ATP2C2: variants seen among roughly 807,000 people sequenced by gnomAD.
ATP2C2 encodes the protein ATPase secretory pathway Ca2+ transporting 2.
In ATP2C2, 171 loss-of-function variants were observed where a neutral mutation model predicts 110.8. That is an observed-to-expected ratio of 1.54 (90% CI 1.36 to 1.75). The LOEUF is 1.75. Ranked by LOEUF, ATP2C2 falls within the 40% of genes most tolerant of loss-of-function variation. The pLI, the probability that ATP2C2 is intolerant of heterozygous loss-of-function variation, is 0.00. For missense variants in ATP2C2, 1,963 were observed against 1,235.0 expected (o/e 1.59, Z -8.84); for synonymous variants, 804 against 508.4 (o/e 1.58, Z -7.82).
chr16:84,371,816 A>G (rs894280812), intron 1 of ATP2C2, among the ~76,000 whole-genome samples: 12 of 152,170 alleles, frequency 7.9e-5, no homozygotes, highest in Non-Finnish European at 1.8e-4. Flanking sequence ...CATTCAACCT[A>G]GATTCACGGA....
chr16:84,373,501 AAAC>A (rs35671314), intron 1 of ATP2C2, among the ~76,000 whole-genome samples: 15 of 151,630 alleles, frequency 9.9e-5, no homozygotes, highest in Admixed American at 6.6e-5. Flanking sequence ...CTCCATCTCA[AAAC>A]AACAACAACA....
At position 84,454,729 on chromosome 16, in the gene ATP2C2, G is replaced by A. The variant is rs971592755; in HGVS notation, c.1981-89G>A. ...AATTCCGGGTGCCCTCCAGACAGAG[G>A]TGTCTGTGGCTGGCCACAGGGTGTG... On this transcript the variant is annotated intron_variant, in intron 20 of 26. Coordinates refer to ENST00000262429, the MANE Select transcript of ATP2C2 (RefSeq NM_014861.4). 8 of 1,347,248 alleles carry A rather than the reference G, an allele frequency of 5.9e-6. No homozygotes were observed. The African/African-American group carries it at 1.0e-4, about 18-fold the overall frequency. The allele number at this position is 1,347,248 out of a possible 1,614,324, so 83.5% of individuals were successfully genotyped here. A position where few individuals can be genotyped will look rare whatever the true frequency, so the allele number is the denominator to read the frequency against.
intron 11 of ATP2C2, among the ~76,000 whole-genome samples, chr16:84,430,761 C>T (rs916172503): frequency 6.6e-6 from 1 of 152,060 alleles, no homozygotes; most frequent in Non-Finnish European, 1.5e-5. Flanking sequence ...CACCCTTACA[C>T]AGCCCATGGG....
At chr16:84,394,249 C>G (rs1209603074) in intron 1 of ATP2C2, among the ~76,000 whole-genome samples, 3 of 152,078 alleles carry the variant, frequency 2.0e-5, no homozygotes, top group Admixed American at 6.5e-5. Context: ...AACCATCTCA[C>G]AGTAAACATT....
chr16:84,413,232 C>T (rs1906542292), intron 6 of ATP2C2, among the ~76,000 whole-genome samples: 1 of 152,040 alleles, frequency 6.6e-6, no homozygotes, highest in Admixed American at 6.6e-5. Flanking sequence ...GGATAATTTT[C>T]AGGGAGAGCT....
At chr16:84,432,740 C>T (rs1028698195) in intron 11 of ATP2C2, among the ~76,000 whole-genome samples, 5 of 152,058 alleles carry the variant, frequency 3.3e-5, no homozygotes, top group African/African-American at 4.8e-5. Context: ...AGGCTCATCT[C>T]GAACTCCTGA....
At chr16:84,443,388 C>A (rs780592291) in intron 15 of ATP2C2, among the ~76,000 whole-genome samples, 1 of 152,232 alleles carries the variant, frequency 6.6e-6, no homozygotes, top group Non-Finnish European at 1.5e-5. Context: ...CGACCCGCTC[C>A]GTGCTTTCTG....
intron 4 of ATP2C2, among the ~76,000 whole-genome samples, chr16:84,410,033 C>T (rs1451566244): frequency 6.6e-6 from 1 of 152,152 alleles, no homozygotes. Context: ...ATGGTGAAAG[C>T]CCGTCTCTAC....
chr16:84,455,751 G>GA (rs34618441), intron 21 of ATP2C2, among the ~76,000 whole-genome samples: 31,569 of 140,132 alleles, frequency 0.23, 3,373 homozygotes, highest in East Asian at 0.25. Flanking sequence ...AACACACTTA[G>GA]AAAAAAAAAA....
chr16:84,452,201 C>T (rs372044098), intron 18 of ATP2C2, 110 bp downstream of exon 18: 2 of 1,344,628 alleles, frequency 1.5e-6, no homozygotes, highest in African/African-American at 1.5e-5. Flanking sequence ...GTGCTCACGC[C>T]TAGCCCTACA....
intron 1 of ATP2C2, among the ~76,000 whole-genome samples, chr16:84,380,462 C>G (rs1221634264): frequency 6.6e-6 from 1 of 152,134 alleles, no homozygotes; most frequent in Admixed American, 6.6e-5. Flanking sequence ...TCCTTCACTC[C>G]CCCACTTTAT....
chr16:84,416,019 C>T (rs971685286), intron 7 of ATP2C2, among the ~76,000 whole-genome samples: 1 of 152,134 alleles, frequency 6.6e-6, no homozygotes, highest in Non-Finnish European at 1.5e-5. Context: ...ACTAAAAATA[C>T]AATAATTAGC....
chr16:84,398,141 C>G (rs1019551751), intron 1 of ATP2C2, among the ~76,000 whole-genome samples: 26 of 151,892 alleles, frequency 1.7e-4, no homozygotes, highest in African/African-American at 6.1e-4. Flanking sequence ...AGTGGCTCCA[C>G]CTTTAATCCC....
At chr16:84,379,980 G>A (rs758039393) in intron 1 of ATP2C2, among the ~76,000 whole-genome samples, 1 of 152,182 alleles carries the variant, frequency 6.6e-6, no homozygotes, top group Non-Finnish European at 1.5e-5. Context: ...GGAGGAGGTG[G>A]CAGGAACTCA....
At chr16:84,412,501 TATGTGTCTGTGTGTGTCTGTGTGTGC>T (rs1472801726) in intron 6 of ATP2C2, among the ~76,000 whole-genome samples, 1 of 128,114 alleles carries the variant, frequency 7.8e-6, no homozygotes, top group African/African-American at 2.9e-5. Context: ...CATGTGTGTA[TATGTGTCTGTGTGTGTCTGTGTGTGC>T]ATGTGTCTGT....
chr16:84,395,788 C>G (rs1225814558), intron 1 of ATP2C2, among the ~76,000 whole-genome samples: 1 of 152,206 alleles, frequency 6.6e-6, no homozygotes, highest in Non-Finnish European at 1.5e-5. Context: ...GTATGAGCCA[C>G]TGTGTCTGGC....
chr16:84,422,487 C>G lies in ATP2C2; in HGVS notation c.722C>G (p.Thr241Ser). The stretch of plus-strand genomic sequence containing the variant: ...TTGACAGGCGGTGGGGACCTCACCA[C>G]CCTCAGCAACATCGTCTTCATGGGG... The part of the protein sequence containing the change: ...SPLTGGGDLT[T>S]LSNIVFMGTL... Residue 241 changes from threonine to serine, a missense_variant, in exon 8 of 27, where the codon ACC (threonine) becomes AGC (serine). Coordinates refer to ENST00000262429, the MANE Select transcript of ATP2C2 (RefSeq NM_014861.4). The G allele has an allele frequency of 6.2e-7, 1 of 1,614,100 alleles. No individual in the cohort carries two copies. The highest frequency in any genetic ancestry group is 1.1e-5 in the South Asian group (1 of 91,066).
At chr16:84,397,233 T>G (rs1905041105) in intron 1 of ATP2C2, among the ~76,000 whole-genome samples, 1 of 151,666 alleles carries the variant, frequency 6.6e-6, no homozygotes, top group Non-Finnish European at 1.5e-5. Context: ...GGCCCGCAGG[T>G]CTCAACACAG....
In ATP2C2 at chr16:84,460,821, G is replaced by C; in HGVS notation, c.2481+20G>C. 2 of 1,599,576 alleles carry C rather than the reference G, an allele frequency of 1.3e-6. No individual in the cohort carries two copies. The highest frequency in any genetic ancestry group is 1.7e-5 in the Admixed American group (1 of 59,114). On this transcript the variant is annotated intron_variant, in intron 24 of 26. Transcript: ENST00000262429. Reference sequence around the variant, plus strand: ...AAGGAGGTGAGCGAGGGTCACCCCGGCCTGTTCTCCAAGCCCTGGTGCGGT... The same window carrying C: ...AAGGAGGTGAGCGAGGGTCACCCCGCCCTGTTCTCCAAGCCCTGGTGCGGT...
Sources: allele counts gnomAD v4.1 joint callset (sites outside exome capture counted in the v4.1 genomes callset), GRCh38; gene constraint gnomAD v4.1.1; transcripts MANE v1.5; gene names NCBI Gene and HGNC (gene_info 2026-07-23, HGNC 2026-07-21).